CIDEC: variants seen among roughly 807,000 people sequenced by gnomAD.
The protein encoded by CIDEC is cell death inducing DFFA like effector c.
Under a neutral mutation model 21.9 loss-of-function variants are expected in CIDEC, and 11 were observed. That is an observed-to-expected ratio of 0.50 (90% CI 0.32 to 0.83). The LOEUF is 0.83. CIDEC is among the 40% of genes least tolerant of loss of function. CIDEC has a pLI of 0.04. For missense variants in CIDEC, 302 were observed against 302.3 expected (o/e 1.00, Z 0.01); for synonymous variants, 127 against 124.9 (o/e 1.02, Z -0.11).
intron 4 of CIDEC, among the ~76,000 whole-genome samples, chr3:9,872,194 A>G (rs2082357783): frequency 8.3e-6 from 1 of 120,482 alleles, no homozygotes; most frequent in African/African-American, 3.4e-5. Context: ...TTTTTTTTGA[A>G]ACAGGGTCTT....
intron 3 of CIDEC, chr3:9,877,981 T>G (rs2082450761): frequency 5.7e-6 from 1 of 176,884 alleles, no homozygotes; most frequent in African/African-American, 2.4e-5. Flanking sequence ...AGGTATTTTT[T>G]TAACTGAAGC....
In CIDEC at chr3:9,870,271, C is replaced by T. The variant is rs750395115; in HGVS notation, c.259G>A (p.Glu87Lys). ...TCTGTCTCTACAGTTGTGCCATCTT[C>T]CTCCAGCACCAGGAAGAAGGGCTTG... ...ADKPFFLVLE[E>K]DGTTVETEEY... Residue 87 changes from glutamate to lysine, a missense_variant, in exon 5 of 7, where the codon GAA (glutamate) becomes AAA (lysine). Coordinates refer to ENST00000336832, the MANE Select transcript of CIDEC (RefSeq NM_001321142.2). 14 of 1,614,014 alleles carry T rather than the reference C, an allele frequency of 8.7e-6. No individual in the cohort carries two copies. Among genetic ancestry groups the T allele is most frequent in the Middle Eastern group, 1.6e-4 (1 of 6,084 alleles).
Position 9,870,312 on chromosome 3 carries a change from G to C in CIDEC, c.218C>G (p.Thr73Ser). 6.2e-7 allele frequency: 1 copy of C among 1,613,710 alleles called. No homozygotes were observed. Among genetic ancestry groups the C allele is most frequent in the South Asian group, 1.1e-5 (1 of 91,080 alleles). ...LEDLLLKVRD[T>S]LMLADKPFFL... Reference sequence around the variant, plus strand: ...GAAGGGCTTGTCTGCCAGCATCAGAGTGTCCCGGACCTGGGGAATAAGGTC... The same window carrying C: ...GAAGGGCTTGTCTGCCAGCATCAGACTGTCCCGGACCTGGGGAATAAGGTC... The change falls in exon 5 of 7, where the codon ACT becomes AGT. Residue 73 changes from threonine to serine, a missense_variant. By Grantham distance (58) the Thr-to-Ser change is moderately conservative. Coordinates refer to ENST00000336832, the MANE Select transcript of CIDEC (RefSeq NM_001321142.2).
In CIDEC at chr3:9,877,125, C is replaced by T. The variant is rs1171354546; in HGVS notation, c.148G>A (p.Ala50Thr). 2 of 1,552,934 alleles carry T rather than the reference C, an allele frequency of 1.3e-6. No homozygotes were observed. The highest frequency in any genetic ancestry group is 4.9e-5 in the East Asian group (2 of 41,172). ...ATGCCCTTCCTCACGCTTCGATCCG[C>T]CGTGCTTACGCGGCAGGGCCGGGCC... is the stretch of plus-strand genomic sequence containing the variant. Reference protein sequence around the residue: ...PRARPCRVSTADRSVRKGIMA... With the variant: ...PRARPCRVSTTDRSVRKGIMA... Residue 50 changes from alanine to threonine, a missense_variant, in exon 4 of 7, where the codon GCG becomes ACG. Ala to Thr is a moderately conservative substitution (Grantham distance 58, BLOSUM62 0). Coordinates refer to ENST00000336832, the MANE Select transcript of CIDEC (RefSeq NM_001321142.2).
intron 4 of CIDEC, among the ~76,000 whole-genome samples, chr3:9,871,968 T>C (rs1377641592): frequency 1.3e-5 from 2 of 151,772 alleles, no homozygotes; most frequent in East Asian, 3.9e-4. Flanking sequence ...TGTTTTTGGT[T>C]TTGTTTTGTT....
In CIDEC at chr3:9,867,849, G is replaced by C. The variant is rs568933194; in HGVS notation, c.555-553C>G. Among the ~76,000 whole-genome samples, 188 of 151,808 alleles carry C rather than the reference G, an allele frequency of 1.2e-3. 2 individuals carry two copies. The highest frequency in any genetic ancestry group is 5.0e-3 in the South Asian group (24 of 4,802). On this transcript the variant is annotated intron_variant, in intron 6 of 6. Transcript: ENST00000336832. ...GGAAGCTGAGGCACGAAAATCACTT[G>C]AACCTGGGAGACAGAGGTTGTAGTG...
intron 4 of CIDEC, among the ~76,000 whole-genome samples, chr3:9,874,149 A>C (rs1238163698): frequency 6.6e-6 from 1 of 152,200 alleles, no homozygotes; most frequent in Non-Finnish European, 1.5e-5. Flanking sequence ...TTGAGCATCA[A>C]TAAATAATCT....
chr3:9,876,303 A>G (rs1254414311), intron 4 of CIDEC, among the ~76,000 whole-genome samples: 1 of 151,466 alleles, frequency 6.6e-6, no homozygotes, highest in Non-Finnish European at 1.5e-5. Context: ...ACAAAACCCC[A>G]TCTTTACTAA....
In CIDEC at chr3:9,877,165, G is replaced by C. The variant is rs1463407290; in HGVS notation, c.108C>G (p.Ser36Arg). Residue 36 changes from serine to arginine, a missense_variant, in exon 4 of 7, where the codon AGC (serine) becomes AGG (arginine). Physicochemically the swap from Ser to Arg is moderately radical, Grantham distance 110 (BLOSUM62 -1). Coordinates refer to ENST00000336832, the MANE Select transcript of CIDEC (RefSeq NM_001321142.2). ...VVTQQLLSEP[S>R]PKAPRARPCR... Reference sequence around the variant, plus strand: ...AGGGCCGGGCCCTGGGGGCCTTGGGGCTGGGCTCCGACAGCAGCTGCTGGG... The same window carrying C: ...AGGGCCGGGCCCTGGGGGCCTTGGGCCTGGGCTCCGACAGCAGCTGCTGGG... 1 of 1,551,386 alleles carries C rather than the reference G, an allele frequency of 6.4e-7. No individual in the cohort carries two copies.
intron 4 of CIDEC, among the ~76,000 whole-genome samples, chr3:9,875,245 C>T (rs7622595): frequency 0.16 from 23,690 of 151,658 alleles, 1,941 homozygotes; most frequent in South Asian, 0.21. Context: ...GGCGCGGTGG[C>T]GGGCGCCCGT....
chr3:9,878,165 T>C (rs1205221049), intron 3 of CIDEC: 4 of 443,930 alleles, frequency 9.0e-6, no homozygotes, highest in East Asian at 7.9e-5. Context: ...AAAGTTGTTG[T>C]GAGGCTTACA....
intron 4 of CIDEC, among the ~76,000 whole-genome samples, chr3:9,876,757 CAAAAAAAAAAA>C (rs6147705): frequency 1.5e-5 from 1 of 67,772 alleles, no homozygotes; most frequent in Non-Finnish European, 3.4e-5. Context: ...GACTTCGTCT[CAAAAAAAAAAA>C]AAAAAAAAAA....
In CIDEC at chr3:9,867,180, C is replaced by T. The variant is rs1458022716; in HGVS notation, c.671G>A (p.Gly224Asp). The change falls in exon 7 of 7, where the codon GGC (glycine) becomes GAC (aspartate). Residue 224 changes from glycine (G) to aspartate (D), a missense_variant. Gly to Asp is a moderately conservative substitution (Grantham distance 94, BLOSUM62 -1). Transcript: ENST00000336832. ...DATEEGQPPK[G>D]KASSLIPTCL... Reference sequence around the variant, plus strand: ...GGTCGGGATAAGGGATGAGGCCTTGCCCTTGGGGGGCTGCCCTTCCTCCGT... The same window carrying T: ...GGTCGGGATAAGGGATGAGGCCTTGTCCTTGGGGGGCTGCCCTTCCTCCGT... The T allele has an allele frequency of 6.2e-7, 1 of 1,614,008 alleles. No homozygotes were observed. The highest frequency in any genetic ancestry group is 8.5e-7 in the Non-Finnish European group (1 of 1,180,054).
chr3:9,867,342 C>A, intron 6 of CIDEC, 46 bp from the exon 7 acceptor site: 2 of 1,604,708 alleles, frequency 1.2e-6, no homozygotes, highest in South Asian at 2.2e-5. Flanking sequence ...CGAAGTAGGT[C>A]GGGCATGGCG....
chr3:9,872,714 G>A (rs772678869), intron 4 of CIDEC, among the ~76,000 whole-genome samples: 5 of 151,916 alleles, frequency 3.3e-5, no homozygotes, highest in East Asian at 3.9e-4. Flanking sequence ...TAGGCTGGGC[G>A]TAGTGGCTCA....
rs757670421 is a variant in CIDEC at position 9,877,119 on chromosome 3, G to A, written c.154C>T (p.Arg52Ter). The change falls in exon 4 of 7, where the codon CGA becomes TGA. Residue 52 changes from arginine (R) to a stop codon, truncating the protein, a stop_gained. Coordinates refer to ENST00000336832, the MANE Select transcript of CIDEC (RefSeq NM_001321142.2). LOFTEE classifies it high-confidence loss of function. ...ARPCRVSTAD[R>*]SVRKGIMAYS... ...GCCATGATGCCCTTCCTCACGCTTC[G>A]ATCCGCCGTGCTTACGCGGCAGGGC... 9.7e-6 allele frequency: 15 copies of A among 1,552,806 alleles called. No individual in the cohort carries two copies. The highest frequency in any genetic ancestry group is 2.7e-5 in the African/African-American group (2 of 73,148).
In CIDEC at chr3:9,867,131, C is replaced by A; in HGVS notation, c.*3G>T. The stretch of plus-strand genomic sequence containing the variant: ...TGGGGAAAGCTTCCAAGGACTTGGG[C>A]TTTCACTGCAGTATCTTCAGACAGG... On this transcript the variant is annotated 3_prime_UTR_variant, in exon 7 of 7. Transcript: ENST00000336832. 6.2e-7 allele frequency: 1 copy of A among 1,613,062 alleles called. No individual in the cohort carries two copies. The highest frequency in any genetic ancestry group is 8.5e-7 in the Non-Finnish European group (1 of 1,180,028).
rs1227281296 is a variant in CIDEC, at chr3:9,869,975, T to G, written c.461A>C (p.Asp154Ala). The G allele has an allele frequency of 6.2e-7, 1 of 1,614,026 alleles. No individual in the cohort carries two copies. Among genetic ancestry groups the G allele is most frequent in the South Asian group, 1.1e-5 (1 of 91,082 alleles). ...CTTCACGTTCAGGCAGCCAATGAAG[T>G]CCTGTGGGTTCAGCTTGTACAGATC... ...TFDLYKLNPQ[D>A]FIGCLNVKAT... The change falls in exon 6 of 7, where the codon GAC (aspartate) becomes GCC (alanine). Residue 154 changes from aspartate (D) to alanine (A), a missense_variant. Asp to Ala is a moderately radical substitution (Grantham distance 126). Coordinates refer to ENST00000336832, the MANE Select transcript of CIDEC (RefSeq NM_001321142.2).
Position 9,878,450 on chromosome 3 carries a change from G to C in CIDEC, c.37C>G (p.Pro13Ala). 1 of 1,613,388 alleles carries C rather than the reference G, an allele frequency of 6.2e-7. No individual in the cohort carries two copies. Among genetic ancestry groups the C allele is most frequent in the Non-Finnish European group, 8.5e-7 (1 of 1,179,396 alleles). ...YAMKSLSLLYPKSLSRHVSVR... is the reference protein window; with the variant it reads ...YAMKSLSLLYAKSLSRHVSVR... ...TTTCCTCACCTGGAGAGGGACTTGG[G>C]GTAGAGAAGGCTAAGGGACTTCATG... Residue 13 changes from proline to alanine, a missense_variant, in exon 3 of 7, where the codon CCC (proline) becomes GCC (alanine). Pro to Ala is a conservative substitution (Grantham distance 27, BLOSUM62 -1). Transcript: ENST00000336832.
Sources: allele counts gnomAD v4.1 joint callset (sites outside exome capture counted in the v4.1 genomes callset), GRCh38; gene constraint gnomAD v4.1.1; transcripts MANE v1.5; gene names NCBI Gene and HGNC (gene_info 2026-07-23, HGNC 2026-07-21).